Variants in ENOX1 observed in about 807,000 individuals in gnomAD.
ENOX1 encodes the protein candidate growth-related and time keeping constitutive hydroquinone (NADH) oxidase.
In ENOX1, 42 loss-of-function variants were observed where a neutral mutation model predicts 82.5. The observed-to-expected ratio is 0.51, with a 90% CI of 0.40 to 0.66. ENOX1 has a LOEUF of 0.66. ENOX1 is among the 30% of genes least tolerant of loss of function. ENOX1 has a pLI of 0.00. For synonymous variants in ENOX1, 271 were observed against 282.2 expected (o/e 0.96, Z 0.40); for missense variants, 608 against 811.6 (o/e 0.75, Z 3.05).
At chr13:43,477,181 AG>A (rs1386441049) in intron 3 of ENOX1, among the ~76,000 whole-genome samples, 1 of 148,452 alleles carries the variant, frequency 6.7e-6, no homozygotes, top group Admixed American at 6.8e-5. Context: ...ATATATATAT[AG>A]TATACACACA....
At chr13:43,378,075 G>A (rs777285729) in intron 5 of ENOX1, among the ~76,000 whole-genome samples, 6 of 152,204 alleles carry the variant, frequency 3.9e-5, no homozygotes, top group Admixed American at 2.0e-4. Flanking sequence ...AACAGTGACT[G>A]GATATGGTCT....
chr13:43,580,389 A>G (rs1024072609), intron 2 of ENOX1, among the ~76,000 whole-genome samples: 1 of 152,214 alleles, frequency 6.6e-6, no homozygotes, highest in African/African-American at 2.4e-5. Context: ...CAGACATAGT[A>G]TGACTTAATT....
At chr13:43,773,040 A>T (rs1951733406) in intron 1 of ENOX1, among the ~76,000 whole-genome samples, 1 of 152,192 alleles carries the variant, frequency 6.6e-6, no homozygotes, top group African/African-American at 2.4e-5. Context: ...ACTCTTCTCT[A>T]CATTTATGGT....
intron 2 of ENOX1, among the ~76,000 whole-genome samples, chr13:43,591,449 C>G (rs2081241952): frequency 6.6e-6 from 1 of 152,068 alleles, no homozygotes; most frequent in Non-Finnish European, 1.5e-5. Context: ...ACAGATCACA[C>G]ATGTAGAATA....
chr13:43,525,079 T>C (rs2077930240), intron 2 of ENOX1, among the ~76,000 whole-genome samples: 1 of 152,186 alleles, frequency 6.6e-6, no homozygotes, highest in Admixed American at 6.5e-5. Flanking sequence ...AAATAATGTA[T>C]ATTTTTAAAT....
chr13:43,514,382 A>C (rs2077482602), intron 2 of ENOX1, among the ~76,000 whole-genome samples: 1 of 152,184 alleles, frequency 6.6e-6, no homozygotes. Context: ...TTTTTGTCTT[A>C]ATAAATTATA....
chr13:43,271,329 CAGA>C (rs2044669831), intron 12 of ENOX1, among the ~76,000 whole-genome samples: 1 of 152,018 alleles, frequency 6.6e-6, no homozygotes, highest in Non-Finnish European at 1.5e-5. Flanking sequence ...TCTAATGACA[CAGA>C]AGAAGCTCAA....
At chr13:43,278,451 C>T (rs1166933686) in intron 12 of ENOX1, among the ~76,000 whole-genome samples, 1 of 152,070 alleles carries the variant, frequency 6.6e-6, no homozygotes. Context: ...AGAACTTGAG[C>T]TACTTCCATT....
intron 2 of ENOX1, among the ~76,000 whole-genome samples, chr13:43,565,944 C>A (rs933670094): frequency 3.3e-5 from 5 of 152,154 alleles, no homozygotes; most frequent in African/African-American, 1.2e-4. Flanking sequence ...CTGGTTATGG[C>A]AGTTTTTAAC....
intron 8 of ENOX1, among the ~76,000 whole-genome samples, chr13:43,350,051 G>A (rs937718060): frequency 4.6e-5 from 7 of 152,182 alleles, no homozygotes; most frequent in African/African-American, 1.7e-4. Flanking sequence ...GCTAATCTCT[G>A]ACTAGGCTAT....
intron 2 of ENOX1, among the ~76,000 whole-genome samples, chr13:43,651,624 G>T (rs546229321): frequency 1.3e-3 from 189 of 149,788 alleles, no homozygotes; most frequent in Non-Finnish European, 1.7e-3. Context: ...TTGGACCCAG[G>T]ATGCGGAGGT....
intron 1 of ENOX1, among the ~76,000 whole-genome samples, chr13:43,707,531 C>A (rs1490954546): frequency 6.6e-6 from 1 of 151,910 alleles, no homozygotes; most frequent in Non-Finnish European, 1.5e-5. Flanking sequence ...GTCAAGAGAT[C>A]GAGACCATCT....
In ENOX1 at chr13:43,786,074, C is replaced by T. The variant is rs1270074321; in HGVS notation, c.-285+578G>A. ...ACCTGTCCAAGGTGTCCGAGCTCCC[C>T]GCGAGAGGGGACAGTCACGAATAAC... On this transcript the variant is annotated intron_variant, in intron 1 of 16. Transcript: ENST00000690772. This position sits in a 1 kb window ranked among gnomAD's most constrained non-coding sequence, Gnocchi z 6.0. 6.6e-6 allele frequency among the ~76,000 whole-genome samples: 1 copy of T among 152,144 alleles called. No individual in the cohort carries two copies. The highest frequency in any genetic ancestry group is 2.4e-5 in the African/African-American group (1 of 41,438).
intron 1 of ENOX1, among the ~76,000 whole-genome samples, chr13:43,682,731 A>G (rs536730657): frequency 4.1e-4 from 63 of 152,260 alleles, no homozygotes; most frequent in African/African-American, 1.4e-3. Flanking sequence ...CCTGCATGCC[A>G]GCTAGCAGTG....
intron 1 of ENOX1, among the ~76,000 whole-genome samples, chr13:43,687,750 G>A (rs886747478): frequency 6.6e-6 from 1 of 152,048 alleles, no homozygotes. Context: ...TACAGTCAGT[G>A]GGAGAAAGAG....
intron 1 of ENOX1, among the ~76,000 whole-genome samples, chr13:43,745,307 C>T (rs945361515): frequency 6.6e-6 from 1 of 151,978 alleles, no homozygotes; most frequent in Admixed American, 6.6e-5. Flanking sequence ...AAAATTTATC[C>T]ACATGTAAAA....
intron 1 of ENOX1, among the ~76,000 whole-genome samples, chr13:43,674,568 A>C (rs2085417010): frequency 6.6e-6 from 1 of 150,462 alleles, no homozygotes; most frequent in Non-Finnish European, 1.5e-5. Flanking sequence ...CATGGCTGCC[A>C]GGGGTTGTGG....
chr13:43,586,500 C>T (rs1031497076), intron 2 of ENOX1, among the ~76,000 whole-genome samples: 41 of 152,144 alleles, frequency 2.7e-4, no homozygotes, highest in Admixed American at 1.1e-3. Context: ...ACTGTGTTGG[C>T]GGGCTCTTGA....
At chr13:43,629,771 T>C (rs974345100) in intron 2 of ENOX1, among the ~76,000 whole-genome samples, 3 of 152,242 alleles carry the variant, frequency 2.0e-5, no homozygotes, top group Non-Finnish European at 2.9e-5. Context: ...ACATCTGCCA[T>C]TTTAGAGTCA....
Sources: gnomAD v4.1 joint callset for allele counts (sites outside exome capture counted in the v4.1 genomes callset) on GRCh38, gnomAD v4.1.1 for gene constraint, Gnocchi (gnomAD v3.1) non-coding constraint, MANE v1.5 for transcripts, NCBI Gene and HGNC (gene_info 2026-07-23, HGNC 2026-07-21) for gene names.